ANTXR2: variants seen among roughly 807,000 people sequenced by gnomAD.
ANTXR2 encodes ANTXR cell adhesion molecule 2, also known as anthrax toxin receptor 2.
ANTXR2 carries 44 observed loss-of-function variants against 73.7 expected under a neutral mutation model. The observed-to-expected ratio is 0.60, with a 90% confidence interval of 0.47 to 0.77. The LOEUF is 0.77. ANTXR2 is among the 30% of genes least tolerant of loss of function. The pLI, the probability that ANTXR2 is intolerant of heterozygous loss-of-function variation, is 0.00. For synonymous variants in ANTXR2, 217 were observed against 205.9 expected (o/e 1.05, Z -0.46); for missense variants, 604 against 592.5 (o/e 1.02, Z -0.20).
At chr4:80,024,700 T>C (rs746471444) in intron 10 of ANTXR2, 1 of 453,752 alleles carries the variant, frequency 2.2e-6, no homozygotes, top group South Asian at 1.6e-5. Flanking sequence ...AGGCCAAAAG[T>C]ACAGTGAGTC....
At chr4:80,066,822 T>C (rs1389912002) in intron 3 of ANTXR2, among the ~76,000 whole-genome samples, 1 of 152,202 alleles carries the variant, frequency 6.6e-6, no homozygotes, top group African/African-American at 2.4e-5. Flanking sequence ...ATTTGGCTAG[T>C]AAATTGGAAA....
At position 79,921,570 on chromosome 4, in the gene ANTXR2, A is replaced by G. The variant is rs1578084205; in HGVS notation, c.1429-14103T>C. 3.9e-5 allele frequency among the ~76,000 whole-genome samples: 6 copies of G among 152,206 alleles called. No individual in the cohort carries two copies. The East Asian group carries it at 1.2e-3, about 29-fold the overall frequency. ...ACAAATATTATAAAACTTCACTTTA[A>G]GTTTCTGAATTGATGTTTTATGGAT... On this transcript the variant is annotated intron_variant, in intron 16 of 16. Coordinates refer to ENST00000403729, the MANE Select transcript of ANTXR2 (RefSeq NM_058172.6).
chr4:80,062,865 T>G (rs1405451272), intron 3 of ANTXR2, among the ~76,000 whole-genome samples: 2 of 152,130 alleles, frequency 1.3e-5, no homozygotes, highest in African/African-American at 4.8e-5. Flanking sequence ...GTCCTTTGAT[T>G]TCTTTAAACA....
At chr4:80,047,941 G>C (rs1733597658) in intron 7 of ANTXR2, among the ~76,000 whole-genome samples, 1 of 151,558 alleles carries the variant, frequency 6.6e-6, no homozygotes, top group Non-Finnish European at 1.5e-5. Flanking sequence ...GAAATCAAAA[G>C]AGTCTTAATA....
chr4:79,926,976 T>TACACATGTGCATATATGTGTGTATATAC (rs1553925982), intron 16 of ANTXR2, among the ~76,000 whole-genome samples: 1 of 90,594 alleles, frequency 1.1e-5, no homozygotes, highest in African/African-American at 6.0e-5. Context: ...TGTGTATATA[T>TACACATGTGCATATATGTGTGTATATAC]ACGTGTGCAT....
intron 13 of ANTXR2, 99 bp downstream of exon 13, chr4:79,984,720 A>G (rs1307637433): frequency 1.0e-6 from 1 of 1,003,272 alleles, no homozygotes; most frequent in Non-Finnish European, 1.5e-6. Flanking sequence ...GTACATAGGT[A>G]TCATAGTTAT....
intron 11 of ANTXR2, among the ~76,000 whole-genome samples, chr4:80,014,421 C>T (rs1731742279): frequency 6.6e-6 from 1 of 151,878 alleles, no homozygotes; most frequent in Admixed American, 6.6e-5. Flanking sequence ...AAAAAATTAG[C>T]TGGGTGTGGC....
chr4:80,022,809 G>T (rs935751053), intron 10 of ANTXR2, among the ~76,000 whole-genome samples: 2 of 152,090 alleles, frequency 1.3e-5, no homozygotes, highest in Admixed American at 1.3e-4. Flanking sequence ...TATTGAAAAA[G>T]GGCATTTGGG....
At chr4:79,986,422 T>A (rs1168456605) in intron 12 of ANTXR2, among the ~76,000 whole-genome samples, 1 of 152,250 alleles carries the variant, frequency 6.6e-6, no homozygotes, top group African/African-American at 2.4e-5. Context: ...TATATTACTA[T>A]GATCATGGAT....
chr4:79,926,614 G>A (rs893867046), intron 16 of ANTXR2, among the ~76,000 whole-genome samples: 1 of 152,058 alleles, frequency 6.6e-6, no homozygotes, highest in Non-Finnish European at 1.5e-5. Context: ...CACATCTGTA[G>A]GTATTTTTAA....
In ANTXR2 at chr4:79,907,466, C is replaced by T; in HGVS notation, c.1430G>A (p.Gly477Asp). The change falls in exon 17 of 17, where the codon GGC (glycine) becomes GAC (aspartate). Residue 477 changes from glycine to aspartate, a missense_variant and splice_region_variant. Gly to Asp is a moderately conservative substitution (Grantham distance 94). Transcript: ENST00000403729. ...AACTCGGGAGAAGTTTATGCACCGGCCCTGAAGAAAGAAATAAATCCATAT... is the reference window on the plus strand; with the variant it reads ...AACTCGGGAGAAGTTTATGCACCGGTCCTGAAGAAAGAAATAAATCCATAT... ...SLMRPQEGDE[G>D]RCINFSRVPS... The T allele has an allele frequency of 6.2e-7, 1 of 1,612,448 alleles. No homozygotes were observed. The highest frequency in any genetic ancestry group is 1.3e-5 in the African/African-American group (1 of 74,884).
chr4:79,957,000 A>C (rs1353435019), intron 16 of ANTXR2, among the ~76,000 whole-genome samples: 1 of 152,132 alleles, frequency 6.6e-6, no homozygotes, highest in African/African-American at 2.4e-5. Flanking sequence ...ACCACTTGAC[A>C]ATCCACCAAA....
chr4:80,008,048 ATATGC>A (rs1371145048), intron 12 of ANTXR2, among the ~76,000 whole-genome samples: 2 of 152,196 alleles, frequency 1.3e-5, no homozygotes, highest in Non-Finnish European at 2.9e-5. Flanking sequence ...AGTTTAACAG[ATATGC>A]TGACAATTGT....
At chr4:80,030,328 A>G (rs1163634116) in intron 10 of ANTXR2, among the ~76,000 whole-genome samples, 1 of 152,114 alleles carries the variant, frequency 6.6e-6, no homozygotes, top group African/African-American at 2.4e-5. Flanking sequence ...CAGGAGGACC[A>G]ACCTGGAATT....
rs34305853 is a variant in ANTXR2, at chr4:80,011,270, GCTATCTATCTATCTATCTAT to G, written c.946-2674_946-2655del. Among the ~76,000 whole-genome samples the G allele has an allele frequency of 3.1e-4, 46 of 149,256 alleles. No homozygotes were observed. The South Asian group carries it at 6.9e-3, about 22-fold the overall frequency. On this transcript the variant is annotated intron_variant, in intron 11 of 16. Coordinates refer to ENST00000403729, the MANE Select transcript of ANTXR2 (RefSeq NM_058172.6). ...GTCAGGGAAAATGCAACCTGGTCTTGCTATCTATCTATCTATCTATCTATCTATCTATCTATCTATCTATC... is the reference window on the plus strand; with the variant it reads ...GTCAGGGAAAATGCAACCTGGTCTTGCTATCTATCTATCTATCTATCTATC...
intron 11 of ANTXR2, among the ~76,000 whole-genome samples, 181 bp from the exon 12 acceptor site, chr4:80,008,797 T>G (rs538198258): frequency 6.6e-6 from 1 of 152,284 alleles, no homozygotes; most frequent in Non-Finnish European, 1.5e-5. Flanking sequence ...TTAATATATA[T>G]TATGTTTTAT....
chr4:80,060,636 G>A (rs1309985742), intron 3 of ANTXR2, among the ~76,000 whole-genome samples: 1 of 152,144 alleles, frequency 6.6e-6, no homozygotes, highest in African/African-American at 2.4e-5. Context: ...ATTCATTACA[G>A]TATATTATTA....
At chr4:79,910,050 G>A (rs74981427) in intron 16 of ANTXR2, among the ~76,000 whole-genome samples, 1,839 of 152,240 alleles carry the variant, frequency 0.012, 37 homozygotes, top group African/African-American at 0.04. Flanking sequence ...CTTCTTAACT[G>A]TGTGACCATG....
Position 80,008,569 on chromosome 4 carries a change from G to A in ANTXR2, c.993C>T (p.Leu331=). 6.2e-7 allele frequency: 1 copy of A among 1,607,466 alleles called. No homozygotes were observed. Among genetic ancestry groups the A allele is most frequent in the Non-Finnish European group, 8.5e-7 (1 of 1,177,506 alleles). Residue 331 remains leucine, a synonymous_variant, in exon 12 of 17, where the codon CTC becomes CTT. Coordinates refer to ENST00000403729, the MANE Select transcript of ANTXR2 (RefSeq NM_058172.6). ...ACCACCACATCAAACCGATCCCCAG[G>A]AGTAGCAGTAACACCAAAATAACAA... is the stretch of plus-strand genomic sequence containing the variant. The part of the protein sequence containing the change: ...AIIVILVLLL[L]LGIGLMWWFW...
Sources: allele counts gnomAD v4.1 joint callset (sites outside exome capture counted in the v4.1 genomes callset), GRCh38; gene constraint gnomAD v4.1.1; transcripts MANE v1.5; gene names NCBI Gene and HGNC (gene_info 2026-07-23, HGNC 2026-07-21).